The following DNAH9 variants were observed in gnomAD, a reference collection of about 807,000 sequenced individuals.
DNAH9 encodes dynein axonemal heavy chain 9.
A neutral mutation model predicts 471.6 loss-of-function variants in DNAH9; 345 were observed. That is an observed-to-expected ratio of 0.73 (90% CI 0.67 to 0.80). The LOEUF (loss-of-function observed/expected upper bound fraction) is 0.80. DNAH9 is among the 30% of genes least tolerant of loss of function. The pLI is 0.00. For missense variants in DNAH9, 5,407 were observed against 5,609.2 expected (o/e 0.96, Z 1.15); for synonymous variants, 2,093 against 2,123.6 (o/e 0.99, Z 0.40).
rs1403653909 is a variant in DNAH9, at chr17:11,762,758, GTTTTTTTTTTTGTTTT to G, written c.6996-670_6996-655del. On this transcript the variant is annotated intron_variant, in intron 35 of 68. Transcript: ENST00000262442. ...GCACCAAAATTGCCTCTTTAGGTGC[GTTTTTTTTTTTGTTTT>G]TTTTTTTTTTTTTTTTTTTTTTTGA... Among the ~76,000 whole-genome samples the G allele has an allele frequency of 2.4e-4, 23 of 94,770 alleles. 1 individual carries two copies. The highest frequency in any genetic ancestry group is 6.0e-4 in the East Asian group (2 of 3,356). The allele number at this position is 94,770 out of a possible 152,430, so 62.2% of individuals were successfully genotyped here.
At position 11,784,204 on chromosome 17, in the gene DNAH9, G is replaced by C. The variant is rs7215021; in HGVS notation, c.7822-96G>C. ...ATGGGACCAAAATATAGATTCGAAG[G>C]CTGTATAAGAATTTTCTGTTATCTC... is the stretch of plus-strand genomic sequence containing the variant. On this transcript the variant is annotated intron_variant, in intron 40 of 68. Coordinates refer to ENST00000262442, the MANE Select transcript of DNAH9 (RefSeq NM_001372.4). 23 of 1,561,814 alleles carry C rather than the reference G, an allele frequency of 1.5e-5. No individual in the cohort carries two copies. In the East Asian group the frequency reaches 3.8e-4, roughly 26 times the overall value.
intron 45 of DNAH9, among the ~76,000 whole-genome samples, chr17:11,811,411 A>T (rs541970051): frequency 5.6e-4 from 85 of 152,182 alleles, no homozygotes; most frequent in African/African-American, 1.8e-3. Flanking sequence ...TATTCTCTTG[A>T]TGTAAGTTGG....
intron 49 of DNAH9, 59 bp downstream of exon 49, chr17:11,834,957 A>C: frequency 6.4e-7 from 1 of 1,568,534 alleles, no homozygotes; most frequent in African/African-American, 1.4e-5. Context: ...CGCAGAGACC[A>C]CCTTGGCATT....
At chr17:11,680,230 AT>A in intron 18 of DNAH9, among the ~76,000 whole-genome samples, 1 of 149,860 alleles carries the variant, frequency 6.7e-6, no homozygotes, top group East Asian at 1.9e-4. Flanking sequence ...AAATGAACCA[AT>A]GTTTTGGTTG....
chr17:11,704,107 C>G (rs1189990793), intron 24 of DNAH9, 96 bp from the exon 25 acceptor site: 2 of 1,392,472 alleles, frequency 1.4e-6, no homozygotes, highest in Non-Finnish European at 2.0e-6. Flanking sequence ...CTCATGTCAC[C>G]CACACAATTA....
intron 38 of DNAH9, among the ~76,000 whole-genome samples, chr17:11,776,775 C>T (rs1968451358): frequency 1.3e-5 from 2 of 152,154 alleles, no homozygotes; most frequent in Admixed American, 1.3e-4. Context: ...ATATAATAGG[C>T]CCTTCCATCA....
chr17:11,713,215 C>G (rs987720336), intron 26 of DNAH9, among the ~76,000 whole-genome samples: 3 of 152,128 alleles, frequency 2.0e-5, no homozygotes, highest in African/African-American at 7.2e-5. Context: ...CATCCATGTT[C>G]CTGCAAAAGA....
intron 53 of DNAH9, among the ~76,000 whole-genome samples, chr17:11,878,290 G>A (rs1972586296): frequency 6.6e-6 from 1 of 152,040 alleles, no homozygotes; most frequent in Non-Finnish European, 1.5e-5. Context: ...TTCTAGATTT[G>A]TTGTATATTA....
intron 14 of DNAH9, among the ~76,000 whole-genome samples, chr17:11,655,511 T>A (rs971471337): frequency 1.3e-5 from 2 of 152,096 alleles, no homozygotes; most frequent in South Asian, 2.1e-4. Flanking sequence ...ATTTAAGGCC[T>A]AATTACTAAG....
chr17:11,878,082 C>T (rs1972571116), intron 53 of DNAH9, among the ~76,000 whole-genome samples: 1 of 152,176 alleles, frequency 6.6e-6, no homozygotes. Context: ...TAATCCAACC[C>T]TGGCCTTCTC....
intron 32 of DNAH9, among the ~76,000 whole-genome samples, chr17:11,750,081 C>T (rs1967085832): frequency 1.3e-5 from 2 of 151,978 alleles, no homozygotes; most frequent in African/African-American, 4.8e-5. Context: ...ATATAATAAT[C>T]ACAAGTCTGT....
Position 11,905,801 on chromosome 17 carries a change from A to G in DNAH9, c.11741A>G (p.Glu3914Gly). The change falls in exon 61 of 69, where the codon GAA becomes GGA. Residue 3914 changes from glutamate to glycine, a missense_variant. Around this residue, in one of 3 missense-constraint regions of DNAH9, gnomAD observed 4,636 missense variants for 4,900.3 expected, o/e 0.95. Transcript: ENST00000262442. Reference protein sequence around the residue: ...SPGVDPLKDVESQGRKLGYTF... With the variant: ...SPGVDPLKDVGSQGRKLGYTF... ...GGGGTGGACCCACTGAAGGATGTAG[A>G]AAGTCAAGGTGAGAAAGGCGTCCTC... The G allele has an allele frequency of 6.2e-7, 1 of 1,606,328 alleles. No individual in the cohort carries two copies. Among genetic ancestry groups the G allele is most frequent in the African/African-American group, 1.3e-5 (1 of 74,792 alleles).
chr17:11,724,519 C>A (rs1228198642), intron 27 of DNAH9, among the ~76,000 whole-genome samples: 1 of 152,204 alleles, frequency 6.6e-6, no homozygotes, highest in East Asian at 1.9e-4. Context: ...TCATTCTTTT[C>A]AATGGCTGAA....
intron 27 of DNAH9, 125 bp from the exon 28 acceptor site, chr17:11,727,693 A>G: frequency 1.6e-6 from 1 of 643,434 alleles, no homozygotes; most frequent in Non-Finnish European, 2.8e-6. Context: ...TTTTAATACA[A>G]GTTTCTGACC....
chr17:11,723,550 G>C (rs1181652089), intron 27 of DNAH9: 1 of 151,700 alleles, frequency 6.6e-6, no homozygotes, highest in East Asian at 1.9e-4. Context: ...GAAACATAGG[G>C]GTGACAAGCA....
intron 26 of DNAH9, among the ~76,000 whole-genome samples, chr17:11,710,415 A>G (rs1345401499): frequency 6.6e-6 from 1 of 152,184 alleles, no homozygotes; most frequent in East Asian, 1.9e-4. Context: ...TAGATGACAC[A>G]TACTTTCAAA....
At chr17:11,629,385 G>T in intron 6 of DNAH9, 32 bp from the exon 7 acceptor site, 1 of 1,598,234 alleles carries the variant, frequency 6.3e-7, no homozygotes, top group East Asian at 2.2e-5. Flanking sequence ...TGCTGAGAAT[G>T]ATTTTAACTT....
intron 49 of DNAH9, among the ~76,000 whole-genome samples, chr17:11,842,807 G>A (rs1180811340): frequency 6.6e-6 from 1 of 152,166 alleles, no homozygotes; most frequent in Non-Finnish European, 1.5e-5. Flanking sequence ...CAAACTGAGA[G>A]TGGGTCTGCC....
At chr17:11,785,725 C>T (rs12946681) in intron 41 of DNAH9, among the ~76,000 whole-genome samples, 14,359 of 152,200 alleles carry the variant, frequency 0.094, 734 homozygotes, top group South Asian at 0.13. Context: ...AACAGAGACC[C>T]ACATAGATCA....
Sources: allele counts gnomAD v4.1 joint callset (sites outside exome capture counted in the v4.1 genomes callset), GRCh38; gene constraint gnomAD v4.1.1; regional missense constraint gnomAD v4.1.1; transcripts MANE v1.5; gene names NCBI Gene and HGNC (gene_info 2026-07-23, HGNC 2026-07-21).